The following CNTN4 variants were observed in gnomAD, a reference collection of about 807,000 sequenced individuals.
CNTN4 encodes the protein contactin 4, also known as contactin-4.
In CNTN4, 77 loss-of-function variants were observed where a neutral mutation model predicts 122.5. The observed-to-expected ratio is 0.63, with a 90% CI of 0.52 to 0.76. The LOEUF is 0.76. CNTN4 is among the 30% of genes least tolerant of loss of function. The pLI is 0.00. For missense variants in CNTN4, 1,256 were observed against 1,259.1 expected (o/e 1.00, Z 0.04); for synonymous variants, 512 against 447.0 (o/e 1.15, Z -1.83).
At chr3:2,643,593 A>G (rs180962698) in intron 4 of CNTN4, among the ~76,000 whole-genome samples, 2 of 152,340 alleles carry the variant, frequency 1.3e-5, no homozygotes, top group Admixed American at 6.5e-5. Context: ...AGGATATAGC[A>G]GTAAAAATAC....
intron 14 of CNTN4, among the ~76,000 whole-genome samples, chr3:2,993,363 T>C (rs1025921709): frequency 6.6e-6 from 1 of 151,168 alleles, no homozygotes. Context: ...AATGGTGAGA[T>C]CTCAGCTCAC....
At chr3:2,384,229 C>CT (rs1466848268) in intron 3 of CNTN4, among the ~76,000 whole-genome samples, 11 of 152,122 alleles carry the variant, frequency 7.2e-5, no homozygotes, top group African/African-American at 2.7e-4. Context: ...TGTACAGGAA[C>CT]AAGCCTAAAC....
At chr3:2,307,795 T>C (rs1171692084) in intron 2 of CNTN4, among the ~76,000 whole-genome samples, 1 of 133,788 alleles carries the variant, frequency 7.5e-6, no homozygotes, top group East Asian at 2.5e-4. Flanking sequence ...ACTTGAATAA[T>C]CTGTTGTGGT....
intron 6 of CNTN4, among the ~76,000 whole-genome samples, chr3:2,789,800 A>T (rs1380446172): frequency 6.6e-6 from 1 of 152,338 alleles, no homozygotes; most frequent in African/African-American, 2.4e-5. Flanking sequence ...AAAAAAAATT[A>T]AAAAGCTAAA....
At chr3:2,544,137 A>G (rs1169128402) in intron 3 of CNTN4, among the ~76,000 whole-genome samples, 1 of 152,192 alleles carries the variant, frequency 6.6e-6, no homozygotes, top group East Asian at 1.9e-4. Flanking sequence ...AACAAATAAA[A>G]TTAAATCTTT....
chr3:2,795,270 C>G (rs2092134846), intron 6 of CNTN4, among the ~76,000 whole-genome samples: 1 of 152,112 alleles, frequency 6.6e-6, no homozygotes, highest in Admixed American at 6.5e-5. Context: ...ACCTGACAGG[C>G]TGACCCTGAT....
chr3:2,446,567 C>G (rs1012926389), intron 3 of CNTN4, among the ~76,000 whole-genome samples: 1 of 152,146 alleles, frequency 6.6e-6, no homozygotes, highest in African/African-American at 2.4e-5. Flanking sequence ...AGTACATTAT[C>G]CTGCAGCTCA....
chr3:2,549,777 C>G (rs181452511), intron 3 of CNTN4, among the ~76,000 whole-genome samples: 6 of 152,250 alleles, frequency 3.9e-5, no homozygotes, highest in Admixed American at 6.5e-5. Flanking sequence ...AAGAATGGTA[C>G]TAGCTCCTCT....
chr3:2,132,223 G>C (rs1384414074), intron 2 of CNTN4: 1 of 152,174 alleles, frequency 6.6e-6, no homozygotes, highest in Non-Finnish European at 1.5e-5. Flanking sequence ...CTCCCAGCTA[G>C]TGTGCCAGAC....
At chr3:2,123,163 G>A (rs1386756684) in intron 2 of CNTN4, among the ~76,000 whole-genome samples, 1 of 152,172 alleles carries the variant, frequency 6.6e-6, no homozygotes, top group African/African-American at 2.4e-5. Context: ...GTTGAGCATT[G>A]ACTATATGCC....
intron 2 of CNTN4, among the ~76,000 whole-genome samples, chr3:2,120,973 A>C (rs1243208879): frequency 6.6e-6 from 1 of 152,114 alleles, no homozygotes; most frequent in Non-Finnish European, 1.5e-5. Context: ...AGAATCAGAG[A>C]GAGTTAGTAT....
intron 14 of CNTN4, among the ~76,000 whole-genome samples, chr3:3,012,153 A>G (rs1466883668): frequency 6.6e-6 from 1 of 152,114 alleles, no homozygotes; most frequent in Admixed American, 6.5e-5. Flanking sequence ...TCTGTCTAGA[A>G]TCTGTACACC....
intron 3 of CNTN4, among the ~76,000 whole-genome samples, chr3:2,342,279 G>T (rs541146928): frequency 6.6e-6 from 1 of 152,206 alleles, no homozygotes; most frequent in Admixed American, 6.5e-5. Context: ...AGACAATTTA[G>T]TCTAAACTGC....
At chr3:2,796,020 G>T (rs2092166318) in intron 6 of CNTN4, among the ~76,000 whole-genome samples, 1 of 152,148 alleles carries the variant, frequency 6.6e-6, no homozygotes, top group Non-Finnish European at 1.5e-5. Flanking sequence ...AATATCTGGA[G>T]AAAAGAACAG....
At chr3:2,364,780 G>A (rs956977948) in intron 3 of CNTN4, among the ~76,000 whole-genome samples, 8 of 152,098 alleles carry the variant, frequency 5.3e-5, no homozygotes, top group Admixed American at 4.6e-4. Flanking sequence ...AAAGTTAAGG[G>A]AAAACATTCT....
At chr3:2,590,740 G>T (rs2080430991) in intron 4 of CNTN4, among the ~76,000 whole-genome samples, 1 of 151,578 alleles carries the variant, frequency 6.6e-6, no homozygotes, top group Non-Finnish European at 1.5e-5. Context: ...CTTTTGAATG[G>T]TCTTTCCCCT....
chr3:2,835,802 A>G (rs541325356), intron 7 of CNTN4, among the ~76,000 whole-genome samples: 2 of 152,306 alleles, frequency 1.3e-5, no homozygotes, highest in South Asian at 4.1e-4. Context: ...TTGTTGTATA[A>G]GGAATCCTGG....
intron 6 of CNTN4, among the ~76,000 whole-genome samples, chr3:2,807,023 C>T (rs1332605029): frequency 2.0e-5 from 3 of 152,182 alleles, no homozygotes; most frequent in African/African-American, 7.2e-5. Flanking sequence ...CTCTTACCCA[C>T]ATTAAGCTCT....
At chr3:2,487,258 ATGT>A (rs2076189396) in intron 3 of CNTN4, among the ~76,000 whole-genome samples, 1 of 152,200 alleles carries the variant, frequency 6.6e-6, no homozygotes, top group Non-Finnish European at 1.5e-5. Flanking sequence ...TTCTCTGCTT[ATGT>A]ATAAGCATGC....
Sources: allele counts gnomAD v4.1 joint callset (sites outside exome capture counted in the v4.1 genomes callset), GRCh38; gene constraint gnomAD v4.1.1; transcripts MANE v1.5; gene names NCBI Gene and HGNC (gene_info 2026-07-23, HGNC 2026-07-21).